Variants in PMS2 observed in about 807,000 individuals in gnomAD.
PMS2 encodes the protein PMS1 homolog 2, mismatch repair system component, also known as mismatch repair endonuclease PMS2.
A neutral mutation model predicts 90.0 loss-of-function variants in PMS2; 69 were observed. The ratio of observed to expected loss-of-function variants is 0.77; its 90% CI spans 0.63 to 0.94. PMS2 has a LOEUF of 0.94. Ranked by LOEUF, PMS2 falls within the 40% of genes least tolerant of loss-of-function variation. PMS2 has a pLI of 0.00. For synonymous variants in PMS2, 332 were observed against 375.1 expected, an observed-to-expected ratio of 0.89 and a Z score of 1.33; for missense variants, 966 against 1,040.2, an observed-to-expected ratio of 0.93 and a Z score of 0.98.
intron 2 of PMS2, chr7:6,004,483 A>C (rs1288208423): frequency 1.2e-5 from 2 of 172,836 alleles, no homozygotes; most frequent in African/African-American, 4.8e-5. Flanking sequence ...TGGGAGGCCA[A>C]AGCGAGCAGA....
intron 7 of PMS2, among the ~76,000 whole-genome samples, chr7:5,997,071 G>T (rs971888720): frequency 6.6e-6 from 1 of 151,886 alleles, no homozygotes; most frequent in Admixed American, 6.6e-5. Context: ...AAAATTAGCC[G>T]GGTGTGGTGG....
chr7:5,990,064 G>A (rs1783569202), intron 9 of PMS2, 109 bp from the exon 10 acceptor site: 3 of 676,848 alleles, frequency 4.4e-6, no homozygotes, highest in Non-Finnish European at 7.2e-6. Context: ...CTGGAGTGCA[G>A]TGGCGCGATC....
At chr7:5,993,850 G>A (rs1246632247) in intron 8 of PMS2, among the ~76,000 whole-genome samples, 21 of 101,696 alleles carry the variant, frequency 2.1e-4, no homozygotes, top group East Asian at 9.8e-4. Context: ...GTGACAGAGC[G>A]AGACTCTGTC....
intron 2 of PMS2, among the ~76,000 whole-genome samples, chr7:6,005,015 C>T (rs1785567530): frequency 6.7e-6 from 1 of 150,144 alleles, no homozygotes; most frequent in Admixed American, 6.6e-5. Context: ...AGCAATTCTC[C>T]TCCTTCAGCG....
In PMS2 at chr7:5,999,153, G is replaced by A. The variant is rs745997910; in HGVS notation, c.660C>T (p.Ser220=). ...KRQPVVCTGG[S]PSIKENIGSV... ...AGCCGATATTTTCCTTTATGCTGGGGCTTCCACCTGTGCATACCACAGGCT... is the reference window on the plus strand; with the variant it reads ...AGCCGATATTTTCCTTTATGCTGGGACTTCCACCTGTGCATACCACAGGCT... Residue 220 remains serine (S), a synonymous_variant, in exon 6 of 15, where the codon AGC becomes AGT. Transcript: ENST00000265849. 1 of 1,614,030 alleles carries A rather than the reference G, an allele frequency of 6.2e-7. No homozygotes were observed. Among genetic ancestry groups the A allele is most frequent in the South Asian group, 1.1e-5 (1 of 91,082 alleles).
At chr7:6,007,990 G>T (rs1397758364) in intron 1 of PMS2, among the ~76,000 whole-genome samples, 1 of 151,724 alleles carries the variant, frequency 6.6e-6, no homozygotes, top group African/African-American at 2.4e-5. Flanking sequence ...CTCCAAAGTA[G>T]CTAGGATTAC....
chr7:6,006,961 T>A (rs1785846027), intron 1 of PMS2, among the ~76,000 whole-genome samples: 1 of 152,156 alleles, frequency 6.6e-6, no homozygotes, highest in Admixed American at 6.5e-5. Flanking sequence ...CAAATAATTT[T>A]TCTGCTTAAA....
At chr7:5,991,481 A>G (rs1476625875) in intron 9 of PMS2, among the ~76,000 whole-genome samples, 1 of 151,858 alleles carries the variant, frequency 6.6e-6, no homozygotes, top group Non-Finnish European at 1.5e-5. Flanking sequence ...AAAAAAAATT[A>G]CATTTTCCTA....
chr7:5,986,374 C>T (rs1782862224), intron 11 of PMS2, among the ~76,000 whole-genome samples: 2 of 151,892 alleles, frequency 1.3e-5, no homozygotes, highest in Admixed American at 1.3e-4. Context: ...GCCACCACAC[C>T]TAGCCTCAAA....
chr7:6,002,261 T>A, intron 5 of PMS2, 192 bp downstream of exon 5: 1 of 559,954 alleles, frequency 1.8e-6, no homozygotes, highest in East Asian at 3.1e-5. Context: ...ATAAACACTA[T>A]GTGATGAAAA....
chr7:5,987,456 G>A lies in PMS2; in HGVS notation c.1309C>T (p.Pro437Ser), dbSNP rs200726484. 11 of 1,613,950 alleles carry A rather than the reference G, an allele frequency of 6.8e-6. No homozygotes were observed. Among genetic ancestry groups the A allele is most frequent in the Non-Finnish European group, 9.3e-6 (11 of 1,179,974 alleles). Residue 437 changes from proline to serine, a missense_variant, in exon 11 of 15, where the codon CCA becomes TCA. Physicochemically the swap from Pro to Ser is moderately conservative, Grantham distance 74. Around this residue, in one of 2 missense-constraint regions of PMS2, gnomAD observed 871 missense variants for 802.4 expected, o/e 1.09. Coordinates refer to ENST00000265849, the MANE Select transcript of PMS2 (RefSeq NM_000535.7). Reference protein sequence around the residue: ...RHTTENKPHSPKTPEPRRSPL... With the variant: ...RHTTENKPHSSKTPEPRRSPL... Reference sequence around the variant, plus strand: ...CTCCTTCTTGGTTCTGGAGTCTTTGGGCTGTGAGGCTTGTTCTCTGTTGTG... The same window carrying A: ...CTCCTTCTTGGTTCTGGAGTCTTTGAGCTGTGAGGCTTGTTCTCTGTTGTG...
Position 6,005,949 on chromosome 7 carries a change from T to G in PMS2, c.106A>C (p.Ser36Arg), listed in dbSNP as rs587781918. ...ICSGQVVLSL[S>R]TAVKELVENS... Reference sequence around the variant, plus strand: ...TCTACTAACTCCTTTACCGCAGTGCTTAGACTCAGTACCACCTGCCCAGAG... The same window carrying G: ...TCTACTAACTCCTTTACCGCAGTGCGTAGACTCAGTACCACCTGCCCAGAG... The change falls in exon 2 of 15, where the codon AGC becomes CGC. Residue 36 changes from serine (S) to arginine (R), a missense_variant. Ser to Arg is a moderately radical substitution (Grantham distance 110). This residue lies in a region of PMS2 where 871 missense variants were observed against 802.4 expected (regional missense o/e 1.09). Transcript: ENST00000265849. 3.8e-5 allele frequency: 62 copies of G among 1,610,716 alleles called. No individual in the cohort carries two copies. Among genetic ancestry groups the G allele is most frequent in the Non-Finnish European group, 5.3e-5 (62 of 1,179,826 alleles).
At chr7:5,991,463 T>A (rs1202959758) in intron 9 of PMS2, among the ~76,000 whole-genome samples, 1 of 132,826 alleles carries the variant, frequency 7.5e-6, no homozygotes, top group East Asian at 2.2e-4. Flanking sequence ...TCTCCCTTGG[T>A]TGACATTAAA....
At chr7:6,001,262 T>C (rs1785058727) in intron 5 of PMS2, among the ~76,000 whole-genome samples, 1 of 152,222 alleles carries the variant, frequency 6.6e-6, no homozygotes, top group Non-Finnish European at 1.5e-5. Flanking sequence ...CAGACAGTTC[T>C]ATAATCTGCT....
At chr7:5,979,212 A>C (rs1260725940) in intron 12 of PMS2, among the ~76,000 whole-genome samples, 1 of 143,182 alleles carries the variant, frequency 7.0e-6, no homozygotes, top group South Asian at 2.2e-4. Context: ...AAAAAAAAAA[A>C]AAAAAAAAAA....
In PMS2 at chr7:6,005,947, G is replaced by C; in HGVS notation, c.108C>G (p.Ser36Arg). The change falls in exon 2 of 15, where the codon AGC becomes AGG. Residue 36 changes from serine (S) to arginine (R), a missense_variant. Physicochemically the swap from Ser to Arg is moderately radical, Grantham distance 110 (BLOSUM62 -1). Transcript: ENST00000265849. ...TTTCTACTAACTCCTTTACCGCAGT[G>C]CTTAGACTCAGTACCACCTGCCCAG... ...ICSGQVVLSLSTAVKELVENS... is the reference protein window; with the variant it reads ...ICSGQVVLSLRTAVKELVENS... The C allele has an allele frequency of 6.2e-7, 1 of 1,610,866 alleles. No individual in the cohort carries two copies. The highest frequency in any genetic ancestry group is 8.5e-7 in the Non-Finnish European group (1 of 1,179,860).
rs756293281 is a variant in PMS2, at chr7:5,999,204, G to C, written c.609C>G (p.Thr203=). The change falls in exon 6 of 15, where the codon ACC becomes ACG. Residue 203 remains threonine (T), a synonymous_variant. Coordinates refer to ENST00000265849, the MANE Select transcript of PMS2 (RefSeq NM_000535.7). ...IISAGIRVSC[T]NQLGQGKRQP... Reference sequence around the variant, plus strand: ...GTCGTTTTCCTTGTCCAAGCTGATTGGTGCAACTTACACGGATGCCTGCTG... The same window carrying C: ...GTCGTTTTCCTTGTCCAAGCTGATTCGTGCAACTTACACGGATGCCTGCTG... 2.5e-6 allele frequency: 4 copies of C among 1,613,272 alleles called. No homozygotes were observed. The South Asian group carries it at 4.4e-5, about 18-fold the overall frequency.
intron 11 of PMS2, among the ~76,000 whole-genome samples, chr7:5,984,278 C>T (rs1392984630): frequency 2.0e-5 from 3 of 151,788 alleles, no homozygotes; most frequent in Non-Finnish European, 2.9e-5. Context: ...GGGTCCTTTG[C>T]GGGTGGCTTC....
At chr7:5,994,383 A>G (rs1185742327) in intron 8 of PMS2, among the ~76,000 whole-genome samples, 1 of 152,028 alleles carries the variant, frequency 6.6e-6, no homozygotes, top group Non-Finnish European at 1.5e-5. Flanking sequence ...TCCATCTCAA[A>G]AAAAAACCCA....
Sources: allele counts gnomAD v4.1 joint callset (sites outside exome capture counted in the v4.1 genomes callset), GRCh38; gene constraint gnomAD v4.1.1; regional missense constraint gnomAD v4.1.1; transcripts MANE v1.5; gene names NCBI Gene and HGNC (gene_info 2026-07-23, HGNC 2026-07-21).